EFEMP2: variants seen among roughly 807,000 people sequenced by gnomAD.
EFEMP2 encodes the protein EGF-containing fibulin-like extracellular matrix protein 2.
Under a neutral mutation model 55.3 loss-of-function variants are expected in EFEMP2, and 21 were observed. The ratio of observed to expected loss-of-function variants is 0.38; its 90% CI spans 0.27 to 0.55. The LOEUF (loss-of-function observed/expected upper bound fraction) is 0.55. Ranked by LOEUF, EFEMP2 falls within the 20% of genes least tolerant of loss-of-function variation. The pLI is 0.77. For missense variants in EFEMP2, 513 were observed against 615.1 expected, an observed-to-expected ratio of 0.83 and a Z score of 1.76; for synonymous variants, 275 against 242.3, an observed-to-expected ratio of 1.14 and a Z score of -1.25.
At chr11:65,868,877 A>G in intron 7 of EFEMP2, 1 of 521,742 alleles carries the variant, frequency 1.9e-6, no homozygotes, top group South Asian at 2.0e-5. Flanking sequence ...GGGAATCTAG[A>G]GGCTTGGGTG....
Position 65,868,372 on chromosome 11 carries a change from G to A in EFEMP2, c.897C>T (p.Thr299=). 1 of 1,613,962 alleles carries A rather than the reference G, an allele frequency of 6.2e-7. No homozygotes were observed. Among genetic ancestry groups the A allele is most frequent in the Non-Finnish European group, 8.5e-7 (1 of 1,180,036 alleles). The change falls in exon 9 of 11, where the codon ACC becomes ACT. Residue 299 remains threonine, a synonymous_variant. Coordinates refer to ENST00000307998, the MANE Select transcript of EFEMP2 (RefSeq NM_016938.5). ...GGTAGCCCCCATGGAAGTTGACACAGGTTTGGGCCTCGGAGCACTGGTGCG... is the reference window on the plus strand; with the variant it reads ...GGTAGCCCCCATGGAAGTTGACACAAGTTTGGGCCTCGGAGCACTGGTGCG... ...SGAHQCSEAQ[T]CVNFHGGYRC... is the part of the protein sequence containing the mutation.
intron 5 of EFEMP2, 36 bp from the exon 6 acceptor site, chr11:65,870,273 A>G (rs564935293): frequency 3.2e-6 from 5 of 1,586,340 alleles, no homozygotes; most frequent in Non-Finnish European, 4.3e-6. Flanking sequence ...GGCGGAGGGC[A>G]GAGGGCAGAG....
intron 10 of EFEMP2, 33 bp downstream of exon 10, chr11:65,867,828 G>A: frequency 6.2e-7 from 1 of 1,610,582 alleles, no homozygotes; most frequent in South Asian, 1.1e-5. Context: ...GTTTTAGATT[G>A]TGCATGTCAG....
In EFEMP2 at chr11:65,871,951, G is replaced by T. The variant is rs1322463745; in HGVS notation, c.160+19C>A. On this transcript the variant is annotated intron_variant, in intron 3 of 10. Transcript: ENST00000307998. ...CTTTCCGGGTTCCTGGGGGTGTTTG[G>T]TCCCCCAGGCACACACACCCCGGCA... The T allele has an allele frequency of 6.4e-7, 1 of 1,551,290 alleles. No homozygotes were observed. Among genetic ancestry groups the T allele is most frequent in the Non-Finnish European group, 8.7e-7 (1 of 1,146,792 alleles).
At chr11:65,868,257 C>A (rs373585608) in intron 9 of EFEMP2, 38 bp downstream of exon 9, 5 of 1,612,656 alleles carry the variant, frequency 3.1e-6, no homozygotes, top group Non-Finnish European at 3.4e-6. Context: ...CCCTGGGAGA[C>A]GTAGTTTCTG....
At chr11:65,868,992 A>T in intron 7 of EFEMP2, 1 of 323,038 alleles carries the variant, frequency 3.1e-6, no homozygotes, top group East Asian at 8.4e-5. Flanking sequence ...GTAACGCCCA[A>T]TTCCTGCAAC....
intron 10 of EFEMP2, 64 bp from the exon 11 acceptor site, chr11:65,867,143 A>G: frequency 6.2e-7 from 1 of 1,601,012 alleles, no homozygotes. Flanking sequence ...CCCCTGCCCC[A>G]GCGTCACCTC....
intron 1 of EFEMP2, 150 bp from the exon 2 acceptor site, chr11:65,872,511 G>A: frequency 1.7e-6 from 1 of 576,094 alleles, no homozygotes; most frequent in Non-Finnish European, 3.1e-6. Flanking sequence ...CTCCTCACAG[G>A]CCCAGGTCCC....
At chr11:65,872,649 A>C in intron 1 of EFEMP2, 34 bp downstream of exon 1, 1 of 300,030 alleles carries the variant, frequency 3.3e-6, no homozygotes, top group Non-Finnish European at 6.4e-6. Context: ...ACTCCGGCCC[A>C]CGCCCTCCCC....
chr11:65,870,962 G>A, intron 4 of EFEMP2, 195 bp downstream of exon 4: 3 of 756,544 alleles, frequency 4.0e-6, no homozygotes, highest in Non-Finnish European at 6.6e-6. Flanking sequence ...CAACCGAGGG[G>A]AGGGGCCCGG....
intron 9 of EFEMP2, 47 bp from the exon 10 acceptor site, chr11:65,868,103 C>G (rs1243319864): frequency 1.3e-6 from 2 of 1,599,364 alleles, no homozygotes; most frequent in Admixed American, 1.7e-5. Context: ...TTGCCCGTCC[C>G]CCCAATTTCT....
rs780659504 is a variant in EFEMP2 at position 65,871,228 on chromosome 11, G to A, written c.296C>T (p.Pro99Leu). The A allele has an allele frequency of 1.9e-6, 3 of 1,614,088 alleles. No individual in the cohort carries two copies. The Admixed American group carries it at 5.0e-5, about 27-fold the overall frequency. The change falls in exon 4 of 11, where the codon CCA (proline) becomes CTA (leucine). Residue 99 changes from proline to leucine, a missense_variant. Transcript: ENST00000307998. ...NDLHGEGPPPPVPPAQHPNPC... is the reference protein window; with the variant it reads ...NDLHGEGPPPLVPPAQHPNPC... ...GTTGGGGTGTTGAGCGGGAGGCACTGGTGGCGGGGGTCCCTCGCCGTGTAG... is the reference window on the plus strand; with the variant it reads ...GTTGGGGTGTTGAGCGGGAGGCACTAGTGGCGGGGGTCCCTCGCCGTGTAG...
Position 65,871,237 on chromosome 11 carries a change from G to T in EFEMP2, c.287C>A (p.Pro96His). Residue 96 changes from proline to histidine, a missense_variant, in exon 4 of 11, where the codon CCC becomes CAC. Coordinates refer to ENST00000307998, the MANE Select transcript of EFEMP2 (RefSeq NM_016938.5). ...TTGAGCGGGAGGCACTGGTGGCGGG[G>T]GTCCCTCGCCGTGTAGGTCGTTGAT... ...AVINDLHGEG[P>H]PPPVPPAQHP... is the part of the protein sequence containing the mutation. The T allele has an allele frequency of 6.2e-7, 1 of 1,614,044 alleles. No homozygotes were observed. Among genetic ancestry groups the T allele is most frequent in the Non-Finnish European group, 8.5e-7 (1 of 1,179,910 alleles).
chr11:65,869,288 A>G (rs1159102928), intron 7 of EFEMP2: 1 of 192,174 alleles, frequency 5.2e-6, no homozygotes, highest in Non-Finnish European at 1.1e-5. Flanking sequence ...GATTATTTTT[A>G]TGTAATCCTC....
chr11:65,872,354 TC>T lies in EFEMP2; in HGVS notation c.-1del. 6.5e-7 allele frequency: 1 copy of T among 1,549,792 alleles called. No individual in the cohort carries two copies. The highest frequency in any genetic ancestry group is 8.7e-7 in the Non-Finnish European group (1 of 1,145,704). ...GGTAGGCAGGAGGCGCAGGGGAGCA[TC>T]CTGGGGCTGCGAGATGGTGGACACG... On this transcript the variant is annotated 5_prime_UTR_variant, in exon 2 of 11. Coordinates refer to ENST00000307998, the MANE Select transcript of EFEMP2 (RefSeq NM_016938.5).
intron 7 of EFEMP2, chr11:65,869,076 C>T (rs1565273379): frequency 3.5e-6 from 1 of 282,086 alleles, no homozygotes; most frequent in African/African-American, 2.2e-5. Context: ...TTTCCTTTCT[C>T]TTGTTCCCCT....
At position 65,866,794 on chromosome 11, in the gene EFEMP2, A is replaced by G. The variant is rs537197894; in HGVS notation, c.*124T>C. 7.2e-6 allele frequency: 9 copies of G among 1,255,630 alleles called. No homozygotes were observed. In the East Asian group the frequency reaches 7.6e-5, roughly 11 times the overall value. 77.8% of individuals were successfully genotyped at this position (1,255,630 alleles called of 1,614,324 possible). A position where few individuals can be genotyped will look rare whatever the true frequency, so the allele number is the denominator to read the frequency against. ...CCTGCCCCAGCCTGAGGCTTCCTGC[A>G]GTGTGACCCGCCCACCTCAGCCACC... On this transcript the variant is annotated 3_prime_UTR_variant, in exon 11 of 11. Transcript: ENST00000307998.
Position 65,866,838 on chromosome 11 carries a change from T to G in EFEMP2, c.*80A>C. On this transcript the variant is annotated 3_prime_UTR_variant, in exon 11 of 11. Transcript: ENST00000307998. ...AGCCACCAGGACTTTCTTTCTCCCT[T>G]TATTGCCTTTCTCATTCTGCCCCTC... 6.4e-7 allele frequency: 1 copy of G among 1,554,494 alleles called. No individual in the cohort carries two copies. The highest frequency in any genetic ancestry group is 8.8e-7 in the Non-Finnish European group (1 of 1,132,464).
In EFEMP2 at chr11:65,868,507, T is replaced by C; in HGVS notation, c.847+3A>G. The C allele has an allele frequency of 6.2e-7, 1 of 1,613,976 alleles. No individual in the cohort carries two copies. Among genetic ancestry groups the C allele is most frequent in the South Asian group, 1.1e-5 (1 of 91,086 alleles). On this transcript the variant is annotated splice_donor_region_variant and intron_variant, in intron 8 of 10. Transcript: ENST00000307998. ...CTGCCCATCCCACCCGGGCAACCTG[T>C]ACCTTGGCAGAGGCGTGTGGCCAGC...
Sources: allele counts gnomAD v4.1 joint callset, GRCh38; gene constraint gnomAD v4.1.1; transcripts MANE v1.5; gene names NCBI Gene and HGNC (gene_info 2026-07-23, HGNC 2026-07-21).